Variants in CIT observed in about 807,000 individuals in gnomAD.
The protein encoded by CIT is citron Rho-interacting kinase.
A neutral mutation model predicts 272.7 loss-of-function variants in CIT; 79 were observed. The ratio of observed to expected loss-of-function variants is 0.29; its 90% CI spans 0.24 to 0.35. CIT has a LOEUF of 0.35. CIT is among the 10% of genes least tolerant of loss of function. The pLI is 1.00. For synonymous variants in CIT, 948 were observed against 995.6 expected (o/e 0.95, Z 0.90); for missense variants, 1,909 against 2,618.3 (o/e 0.73, Z 5.91).
At chr12:119,829,440 C>T (rs1326234020) in intron 7 of CIT, among the ~76,000 whole-genome samples, 2 of 148,686 alleles carry the variant, frequency 1.3e-5, no homozygotes, top group African/African-American at 2.5e-5. Flanking sequence ...CTAACTTTAC[C>T]CATCAAGTTG....
In CIT at chr12:119,688,010, G is replaced by C. The variant is rs1955670749; in HGVS notation, c.*222C>G. The C allele has an allele frequency of 6.6e-6, 4 of 603,912 alleles. No individual in the cohort carries two copies. The highest frequency in any genetic ancestry group is 1.2e-5 in the Non-Finnish European group (4 of 336,546). 37.4% of individuals were successfully genotyped at this position (603,912 alleles called of 1,614,324 possible). A position where few individuals can be genotyped will look rare whatever the true frequency, so the allele number is the denominator to read the frequency against. ...AACAAAGTGCAAAGAGATGACTGCA[G>C]GGAGGTGCCCAGGGCAGGCACCGGG... On this transcript the variant is annotated 3_prime_UTR_variant, in exon 48 of 48. Coordinates refer to ENST00000392521, the MANE Select transcript of CIT (RefSeq NM_001206999.2).
At chr12:119,742,841 C>A (rs1959123135) in intron 23 of CIT, 3 of 170,816 alleles carry the variant, frequency 1.8e-5, no homozygotes, top group South Asian at 2.9e-4. Context: ...TTCCCTCCAA[C>A]TGACTCCTCC....
Position 119,804,863 on chromosome 12 carries a change from G to A in CIT, c.1112-1474C>T, listed in dbSNP as rs147071858. Among the ~76,000 whole-genome samples, 566 of 152,302 alleles carry A rather than the reference G, an allele frequency of 3.7e-3. 6 individuals carry two copies. The highest frequency in any genetic ancestry group is 0.013 in the African/African-American group (544 of 41,566). ...GTGAGGAAGATTTAAGATGTAAAAT[G>A]TGCACTACCAGAAAATTATTTAACA... On this transcript the variant is annotated intron_variant, in intron 9 of 47. Transcript: ENST00000392521. This position sits in a 1 kb window ranked among gnomAD's most constrained non-coding sequence, Gnocchi z 5.3.
At position 119,708,237 on chromosome 12, in the gene CIT, T is replaced by G. The variant is rs769263237; in HGVS notation, c.5153A>C (p.Asp1718Ala). The G allele has an allele frequency of 1.2e-6, 2 of 1,607,658 alleles. No homozygotes were observed. The highest frequency in any genetic ancestry group is 2.2e-5 in the South Asian group (2 of 89,612). Residue 1718 changes from aspartate (D) to alanine (A), a missense_variant, in exon 40 of 48, where the codon GAC becomes GCC. Physicochemically the swap from Asp to Ala is moderately radical, Grantham distance 126. This residue lies in a region of CIT where 780 missense variants were observed against 1,067.2 expected (regional missense o/e 0.73). Transcript: ENST00000392521. Reference sequence around the variant, plus strand: ...AGCTTCAAAAATGTTGGGTGAGATGTCGGGCTGGGCAGGCAGGTGGGACTG... The same window carrying G: ...AGCTTCAAAAATGTTGGGTGAGATGGCGGGCTGGGCAGGCAGGTGGGACTG... ...LAQSHLPAQP[D>A]ISPNIFEAVK...
chr12:119,857,466 T>G lies in CIT; in HGVS notation c.414+57A>C, dbSNP rs1380687804. On this transcript the variant is annotated intron_variant, in intron 4 of 47. Coordinates refer to ENST00000392521, the MANE Select transcript of CIT (RefSeq NM_001206999.2). The stretch of plus-strand genomic sequence containing the variant: ...ACGCCAGTGCAGCAGATTATCGTCT[T>G]TGCAATGAACACTCCGGTACAGAAA... 3 of 1,561,188 alleles carry G rather than the reference T, an allele frequency of 1.9e-6. No homozygotes were observed. The East Asian group carries it at 6.8e-5, about 35-fold the overall frequency.
intron 4 of CIT, among the ~76,000 whole-genome samples, chr12:119,856,342 C>A (rs186047683): frequency 2.0e-5 from 3 of 152,030 alleles, no homozygotes; most frequent in Non-Finnish European, 2.9e-5. Flanking sequence ...AAATGGAGAG[C>A]GGTCATGGTT....
intron 4 of CIT, among the ~76,000 whole-genome samples, chr12:119,851,441 A>G (rs1328762538): frequency 6.6e-6 from 1 of 152,348 alleles, no homozygotes; most frequent in Non-Finnish European, 1.5e-5. Flanking sequence ...TGAAAGGCAC[A>G]GGGCTCCTCT....
Position 119,784,134 on chromosome 12 carries a change from C to T in CIT, c.1402-83G>A. ...ACATCTCAAGTAGCCTCCGAAACCA[C>T]CTGGTGGTCTGGGCTAAGGCTAATT... is the stretch of plus-strand genomic sequence containing the variant. On this transcript the variant is annotated intron_variant, in intron 11 of 47. Coordinates refer to ENST00000392521, the MANE Select transcript of CIT (RefSeq NM_001206999.2). This position sits in a 1 kb window ranked among gnomAD's most constrained non-coding sequence, Gnocchi z 4.7. 4 of 1,612,816 alleles carry T rather than the reference C, an allele frequency of 2.5e-6. No individual in the cohort carries two copies. In the South Asian group the frequency reaches 4.4e-5, roughly 18 times the overall value.
At chr12:119,721,481 ATAC>A in intron 28 of CIT, 32 bp from the exon 29 acceptor site, 1 of 1,575,432 alleles carries the variant, frequency 6.3e-7, no homozygotes, top group Non-Finnish European at 8.7e-7. Flanking sequence ...GAAATGCTTG[ATAC>A]TGCACACAAT....
At chr12:119,703,518 C>T (rs1199952779) in intron 41 of CIT, among the ~76,000 whole-genome samples, 1 of 151,008 alleles carries the variant, frequency 6.6e-6, no homozygotes, top group Non-Finnish European at 1.5e-5. Flanking sequence ...TTCCACCTCC[C>T]ACGTTTATGC....
chr12:119,750,156 A>G (rs1960020218), intron 23 of CIT, among the ~76,000 whole-genome samples: 1 of 152,228 alleles, frequency 6.6e-6, no homozygotes, highest in East Asian at 1.9e-4. Context: ...TAGGTACAGG[A>G]GGAAAATATT....
intron 22 of CIT, among the ~76,000 whole-genome samples, chr12:119,754,856 A>G (rs1960733000): frequency 6.6e-6 from 1 of 152,216 alleles, no homozygotes; most frequent in Non-Finnish European, 1.5e-5. Context: ...GGGACACTTT[A>G]ATAGCCCAGA....
chr12:119,785,593 G>A (rs370000210), intron 10 of CIT, among the ~76,000 whole-genome samples: 4 of 151,450 alleles, frequency 2.6e-5, no homozygotes, highest in Non-Finnish European at 5.9e-5. Context: ...AAACAGGGTC[G>A]CGTTCTGTTG....
At chr12:119,842,306 T>C (rs891409665) in intron 5 of CIT, among the ~76,000 whole-genome samples, 1 of 147,466 alleles carries the variant, frequency 6.8e-6, no homozygotes, top group Non-Finnish European at 1.5e-5. Flanking sequence ...GGAGAATCAA[T>C]TGAACCCAGG....
intron 9 of CIT, among the ~76,000 whole-genome samples, chr12:119,818,952 G>A (rs867446935): frequency 6.6e-6 from 1 of 152,160 alleles, no homozygotes; most frequent in Non-Finnish European, 1.5e-5. Flanking sequence ...GCAGGTACAC[G>A]ATGCCAGGCA....
In CIT at chr12:119,817,845, G is replaced by C. The variant is rs1018422246; in HGVS notation, c.1111+4975C>G. Among the ~76,000 whole-genome samples, 6 of 151,926 alleles carry C rather than the reference G, an allele frequency of 3.9e-5. No homozygotes were observed. In the South Asian group the frequency reaches 1.3e-3, roughly 32 times the overall value. ...ATCCCATCACTTTGGGAGGCAGAGG[G>C]AGGATGATCACTTGAGCCCACAAGT... On this transcript the variant is annotated intron_variant, in intron 9 of 47. Coordinates refer to ENST00000392521, the MANE Select transcript of CIT (RefSeq NM_001206999.2).
intron 40 of CIT, among the ~76,000 whole-genome samples, chr12:119,707,700 C>A (rs2137031360): frequency 6.6e-6 from 1 of 152,194 alleles, no homozygotes; most frequent in East Asian, 1.9e-4. Context: ...CAGGGTTTCA[C>A]CATGTTGGCC....
Position 119,687,927 on chromosome 12 carries a change from G to T in CIT, c.*305C>A. The T allele has an allele frequency of 2.9e-6, 1 of 350,812 alleles. No individual in the cohort carries two copies. The highest frequency in any genetic ancestry group is 5.1e-6 in the Non-Finnish European group (1 of 195,588). The allele number at this position is 350,812 out of a possible 1,614,324, so 21.7% of individuals were successfully genotyped here. ...AGCATCCCGGTTGGTTTCCTTTGAT[G>T]AACTAACTGGTACAGGCTAGAGCTA... On this transcript the variant is annotated 3_prime_UTR_variant, in exon 48 of 48. Coordinates refer to ENST00000392521, the MANE Select transcript of CIT (RefSeq NM_001206999.2).
chr12:119,773,449 TG>T, intron 16 of CIT, among the ~76,000 whole-genome samples: 1 of 152,340 alleles, frequency 6.6e-6, no homozygotes, highest in Middle Eastern at 3.4e-3. Context: ...GCTTTTTTTT[TG>T]AGACGGAGTT....
Sources: gnomAD v4.1 joint callset for allele counts (sites outside exome capture counted in the v4.1 genomes callset) on GRCh38, gnomAD v4.1.1 for gene constraint, gnomAD v4.1.1 regional missense constraint, Gnocchi (gnomAD v3.1) non-coding constraint, MANE v1.5 for transcripts, NCBI Gene and HGNC (gene_info 2026-07-23, HGNC 2026-07-21) for gene names.